Variants in CAMKMT observed in about 807,000 individuals in gnomAD.
CAMKMT encodes the protein calmodulin-lysine N-methyltransferase.
In CAMKMT, 53 loss-of-function variants were observed where a neutral mutation model predicts 48.0. The ratio of observed to expected loss-of-function variants is 1.10; its 90% CI spans 0.89 to 1.39. The LOEUF is 1.39. Among genes scored for constraint, CAMKMT ranks in the 40% most tolerant of loss-of-function variants. The pLI is 0.00. For synonymous variants in CAMKMT, 165 were observed against 152.3 expected (o/e 1.08, Z -0.61); for missense variants, 428 against 402.7 (o/e 1.06, Z -0.54).
At chr2:44,446,643 C>G (rs890741644) in intron 3 of CAMKMT, among the ~76,000 whole-genome samples, 12 of 152,180 alleles carry the variant, frequency 7.9e-5, no homozygotes, top group African/African-American at 2.9e-4. Context: ...CTATGCCCAG[C>G]CTTTTCCCTT....
intron 3 of CAMKMT, among the ~76,000 whole-genome samples, chr2:44,499,980 G>A (rs760774751): frequency 5.3e-5 from 8 of 152,060 alleles, no homozygotes; most frequent in Non-Finnish European, 1.0e-4. Context: ...TGGATTTCAT[G>A]TACATATTTA....
At chr2:44,542,014 A>G (rs1667135037) in intron 3 of CAMKMT, among the ~76,000 whole-genome samples, 1 of 151,892 alleles carries the variant, frequency 6.6e-6, no homozygotes, top group Non-Finnish European at 1.5e-5. Flanking sequence ...TGTAAATCCC[A>G]GCTACTTGGG....
intron 3 of CAMKMT, among the ~76,000 whole-genome samples, chr2:44,651,009 T>C (rs568641054): frequency 3.9e-5 from 6 of 152,290 alleles, no homozygotes; most frequent in African/African-American, 1.4e-4. Flanking sequence ...AGCAAGCATA[T>C]GGGAAAATGT....
intron 3 of CAMKMT, among the ~76,000 whole-genome samples, chr2:44,636,091 AT>A (rs1416751389): frequency 2.0e-5 from 3 of 152,144 alleles, no homozygotes; most frequent in East Asian, 1.9e-4. Context: ...TGACAGGAAT[AT>A]TTTTTTCCTA....
At chr2:44,422,139 G>A (rs777862556) in intron 3 of CAMKMT, among the ~76,000 whole-genome samples, 5 of 152,104 alleles carry the variant, frequency 3.3e-5, no homozygotes, top group African/African-American at 9.7e-5. Context: ...GCTTGGTGCC[G>A]TCCTTGTAAT....
intron 8 of CAMKMT, 77 bp downstream of exon 8, chr2:44,743,773 T>C: frequency 9.0e-6 from 10 of 1,117,186 alleles, no homozygotes; most frequent in Non-Finnish European, 1.2e-5. Flanking sequence ...GTTGCTTAGC[T>C]GACGGCTAAG....
At chr2:44,583,158 G>C (rs533043409) in intron 3 of CAMKMT, among the ~76,000 whole-genome samples, 120 of 152,158 alleles carry the variant, frequency 7.9e-4, no homozygotes, top group African/African-American at 2.8e-3. Context: ...TTTGTGTATA[G>C]AAGGAGCTTT....
rs554095206 is a variant in CAMKMT, at chr2:44,468,855, C to G, written c.376+78550C>G. Among the ~76,000 whole-genome samples the G allele has an allele frequency of 1.2e-3, 183 of 152,170 alleles. 2 individuals are homozygous for G. Among genetic ancestry groups the G allele is most frequent in the African/African-American group, 4.2e-3 (176 of 41,492 alleles). ...GATTGCTTGAGCTGGGAGGTTGAGG[C>G]TGTGGTGAGCCATGATTGCTCCATT... On this transcript the variant is annotated intron_variant, in intron 3 of 10. Coordinates refer to ENST00000378494, the MANE Select transcript of CAMKMT (RefSeq NM_024766.5).
intron 7 of CAMKMT, chr2:44,723,649 TAAATAAA>T (rs1678614910): frequency 7.8e-6 from 1 of 128,364 alleles, no homozygotes; most frequent in Non-Finnish European, 1.8e-5. Flanking sequence ...AATAAATAAA[TAAATAAA>T]ATAATAAAGT....
chr2:44,421,663 G>T (rs1011130188), intron 3 of CAMKMT, among the ~76,000 whole-genome samples: 3 of 152,058 alleles, frequency 2.0e-5, no homozygotes, highest in Non-Finnish European at 4.4e-5. Context: ...ATTGTTCCAG[G>T]TAAAATACCT....
chr2:44,760,590 A>G (rs950585174), intron 9 of CAMKMT, among the ~76,000 whole-genome samples: 6 of 149,678 alleles, frequency 4.0e-5, no homozygotes, highest in Admixed American at 1.3e-4. Context: ...CAGACTGGGC[A>G]ACAGAGCGAG....
At chr2:44,585,673 C>G (rs1236217691) in intron 3 of CAMKMT, among the ~76,000 whole-genome samples, 3 of 152,104 alleles carry the variant, frequency 2.0e-5, no homozygotes, top group Non-Finnish European at 4.4e-5. Flanking sequence ...ATAAAAGTGA[C>G]AATTGTGTAC....
chr2:44,679,960 T>A (rs1034540885), intron 3 of CAMKMT, among the ~76,000 whole-genome samples: 6 of 152,260 alleles, frequency 3.9e-5, no homozygotes, highest in African/African-American at 1.2e-4. Flanking sequence ...CATCTTTGAT[T>A]GTTCTTTTTC....
At chr2:44,749,290 T>C (rs1244528518) in intron 8 of CAMKMT, among the ~76,000 whole-genome samples, 3 of 152,032 alleles carry the variant, frequency 2.0e-5, no homozygotes, top group Non-Finnish European at 4.4e-5. Context: ...ACCTAGTCTG[T>C]TGAAATATCC....
At chr2:44,704,379 C>T in intron 4 of CAMKMT, 36 bp downstream of exon 4, 1 of 1,401,220 alleles carries the variant, frequency 7.1e-7, no homozygotes, top group Non-Finnish European at 9.8e-7. Flanking sequence ...TTTAGCCCAT[C>T]ACGGATATTG....
chr2:44,753,428 A>G lies in CAMKMT; in HGVS notation c.699-627A>G, dbSNP rs1473205485. Among the ~76,000 whole-genome samples the G allele has an allele frequency of 2.6e-5, 4 of 151,718 alleles. No homozygotes were observed. The South Asian group carries it at 6.2e-4, about 24-fold the overall frequency. ...AACAAAAAAAAAAAAAGAAAGAAAG[A>G]AAACAAAGAAAAGAAAAAAAACAAA... On this transcript the variant is annotated intron_variant, in intron 8 of 10. Transcript: ENST00000378494.
intron 3 of CAMKMT, among the ~76,000 whole-genome samples, chr2:44,573,861 A>G (rs899892771): frequency 1.3e-5 from 2 of 152,188 alleles, no homozygotes; most frequent in Non-Finnish European, 2.9e-5. Flanking sequence ...CATATACTGT[A>G]TCCACATATG....
At chr2:44,425,907 T>G (rs141886976) in intron 3 of CAMKMT, among the ~76,000 whole-genome samples, 2,793 of 152,218 alleles carry the variant, frequency 0.018, 80 homozygotes, top group African/African-American at 0.063. Context: ...ATTTTTGTAT[T>G]TTTAGTAGAG....
chr2:44,426,121 T>C (rs1195433429), intron 3 of CAMKMT, among the ~76,000 whole-genome samples: 1 of 152,258 alleles, frequency 6.6e-6, no homozygotes, highest in Admixed American at 6.5e-5. Context: ...TAATTTACTT[T>C]ATACAAATAA....
Sources: allele counts gnomAD v4.1 joint callset (sites outside exome capture counted in the v4.1 genomes callset), GRCh38; gene constraint gnomAD v4.1.1; transcripts MANE v1.5; gene names NCBI Gene and HGNC (gene_info 2026-07-23, HGNC 2026-07-21).